The following TRAF3IP3 variants were observed in gnomAD, a reference collection of about 807,000 sequenced individuals.
TRAF3IP3 encodes TRAF3 interacting protein 3, also known as TRAF3-interacting JNK-activating modulator.
Under a neutral mutation model 86.5 loss-of-function variants are expected in TRAF3IP3, and 64 were observed. The observed-to-expected ratio is 0.74, with a 90% CI of 0.60 to 0.91. The LOEUF is 0.91. TRAF3IP3 is among the 40% of genes least tolerant of loss of function. The probability of loss-of-function intolerance (pLI) is 0.00; values close to 1 mark genes in which losing one functional copy is unlikely to be tolerated. For synonymous variants in TRAF3IP3, 220 were observed against 243.9 expected (o/e 0.90, Z 0.91); for missense variants, 579 against 642.9 (o/e 0.90, Z 1.07).
At chr1:209,764,415 AGGAATAGTATTTTAGTTG>A (rs2077301395) in intron 8 of TRAF3IP3, among the ~76,000 whole-genome samples, 1 of 152,230 alleles carries the variant, frequency 6.6e-6, no homozygotes, top group South Asian at 2.1e-4. Context: ...ATATGGAAGA[AGGAATAGTATTTTAGTTG>A]GGGTACAGGC....
At chr1:209,780,039 C>A (rs1239803014) in intron 14 of TRAF3IP3, 2 of 157,462 alleles carry the variant, frequency 1.3e-5, no homozygotes, top group African/African-American at 2.4e-5. Flanking sequence ...AAAAAACCAT[C>A]TTTAACCATA....
intron 8 of TRAF3IP3, among the ~76,000 whole-genome samples, chr1:209,770,511 ATGTG>A (rs1259435390): frequency 1.4e-5 from 1 of 71,326 alleles, no homozygotes; most frequent in Non-Finnish European, 2.8e-5. Context: ...ATGTGAAAGT[ATGTG>A]TGTGCAGGTG....
In TRAF3IP3 at chr1:209,760,045, C is replaced by T. The variant is rs1193688791; in HGVS notation, c.6C>T (p.Ile2=). 1 of 1,606,814 alleles carries T rather than the reference C, an allele frequency of 6.2e-7. No individual in the cohort carries two copies. The highest frequency in any genetic ancestry group is 8.5e-7 in the Non-Finnish European group (1 of 1,174,030). The change falls in exon 3 of 17, where the codon ATC becomes ATT. Residue 2 remains isoleucine, a synonymous_variant. Coordinates refer to ENST00000367025, the MANE Select transcript of TRAF3IP3 (RefSeq NM_025228.4). M[I]SPDPRPSPGL... is the part of the protein sequence containing the mutation. ...ACAGGTGCTTGGAGGTCATCATGAT[C>T]AGCCCAGACCCCAGGCCCTCCCCTG...
Position 209,781,383 on chromosome 1 carries a change from C to T in TRAF3IP3, c.1488C>T (p.Asp496=). Residue 496 remains aspartate, a synonymous_variant, in exon 16 of 17, where the codon GAC becomes GAT. Coordinates refer to ENST00000367025, the MANE Select transcript of TRAF3IP3 (RefSeq NM_025228.4). The part of the protein sequence containing the change: ...ELHSELDNLS[D]EYLSCLRKLQ... ...ATTCAGAATTAGACAACCTCAGTGA[C>T]GAGTATCTCTCCTGCCTGCGTAAGC... 5 of 1,613,456 alleles carry T rather than the reference C, an allele frequency of 3.1e-6. No individual in the cohort carries two copies. The highest frequency in any genetic ancestry group is 4.2e-6 in the Non-Finnish European group (5 of 1,179,570).
chr1:209,781,997 C>A, intron 16 of TRAF3IP3, 59 bp from the exon 17 acceptor site: 1 of 1,398,244 alleles, frequency 7.2e-7, no homozygotes, highest in Non-Finnish European at 1.0e-6. Flanking sequence ...AAGATTTTTG[C>A]CTATATCTTT....
intron 3 of TRAF3IP3, among the ~76,000 whole-genome samples, chr1:209,761,878 A>AG (rs11400539): frequency 0.02 from 1,400 of 71,440 alleles, no homozygotes; most frequent in African/African-American, 0.19. Context: ...GTAGAGAGAG[A>AG]AAAAAAAACA....
rs1202795665 is a variant in TRAF3IP3 at position 209,779,466 on chromosome 1, C to T, written c.1312+92C>T. On this transcript the variant is annotated intron_variant, in intron 14 of 16. Coordinates refer to ENST00000367025, the MANE Select transcript of TRAF3IP3 (RefSeq NM_025228.4). ...ATGGACTACATGACCTCCTGGAGTCCCAGCCAGTTCTGGGAGTCTGTTAAG... is the reference window on the plus strand; with the variant it reads ...ATGGACTACATGACCTCCTGGAGTCTCAGCCAGTTCTGGGAGTCTGTTAAG... 3.6e-6 allele frequency: 4 copies of T among 1,101,294 alleles called. No individual in the cohort carries two copies. The Admixed American group carries it at 7.2e-5, about 20-fold the overall frequency. 68.2% of individuals were successfully genotyped at this position (1,101,294 alleles called of 1,614,324 possible).
At chr1:209,768,711 TC>T in intron 8 of TRAF3IP3, 1 of 985,368 alleles carries the variant, frequency 1.0e-6, no homozygotes, top group South Asian at 4.7e-5. Flanking sequence ...TTATATGCCC[TC>T]TGAGCCCTCG....
chr1:209,773,802 C>G (rs562769396), intron 9 of TRAF3IP3, among the ~76,000 whole-genome samples: 2 of 152,294 alleles, frequency 1.3e-5, no homozygotes, highest in African/African-American at 4.8e-5. Flanking sequence ...TAATGCCAAC[C>G]AAGTTCACAG....
At chr1:209,766,794 G>A (rs577800689) in intron 8 of TRAF3IP3, among the ~76,000 whole-genome samples, 37 of 152,354 alleles carry the variant, frequency 2.4e-4, no homozygotes, top group African/African-American at 8.9e-4. Flanking sequence ...AACCCAGGAG[G>A]TGGAGGTTGC....
At position 209,762,882 on chromosome 1, in the gene TRAF3IP3, A is replaced by T; in HGVS notation, c.551+12A>T. On this transcript the variant is annotated intron_variant, in intron 5 of 16. Coordinates refer to ENST00000367025, the MANE Select transcript of TRAF3IP3 (RefSeq NM_025228.4). The stretch of plus-strand genomic sequence containing the variant: ...AGTCAGCAAACCAAGTGAGTTCCTG[A>T]CCCTAACCCTCTCACATCCCATCCA... 1 of 1,614,068 alleles carries T rather than the reference A, an allele frequency of 6.2e-7. No homozygotes were observed. Among genetic ancestry groups the T allele is most frequent in the Non-Finnish European group, 8.5e-7 (1 of 1,179,980 alleles).
intron 12 of TRAF3IP3, 29 bp downstream of exon 12, chr1:209,777,516 C>T: frequency 6.4e-7 from 1 of 1,551,048 alleles, no homozygotes. Flanking sequence ...GCCTTGAGTG[C>T]ATGGCAGCCA....
intron 8 of TRAF3IP3, among the ~76,000 whole-genome samples, chr1:209,766,662 A>G (rs1377108801): frequency 6.6e-6 from 1 of 152,188 alleles, no homozygotes; most frequent in African/African-American, 2.4e-5. Context: ...CCAGGAGTTC[A>G]AGACCAGCCT....
At chr1:209,765,852 T>C (rs1464785679) in intron 8 of TRAF3IP3, among the ~76,000 whole-genome samples, 2 of 152,218 alleles carry the variant, frequency 1.3e-5, no homozygotes, top group African/African-American at 4.8e-5. Context: ...CACACAAATA[T>C]GTCATTAGAA....
chr1:209,781,772 A>C, intron 16 of TRAF3IP3: 2 of 497,406 alleles, frequency 4.0e-6, no homozygotes, highest in South Asian at 2.5e-5. Context: ...TGGGGAATAC[A>C]AAGAAAGAAT....
At chr1:209,760,461 C>T in intron 3 of TRAF3IP3, 77 bp downstream of exon 3, 1 of 1,273,868 alleles carries the variant, frequency 7.9e-7, no homozygotes. Context: ...GGCTCAAGGT[C>T]ACTAAAAAGT....
chr1:209,775,872 T>C (rs1387693418), intron 11 of TRAF3IP3, 136 bp downstream of exon 11: 8 of 774,214 alleles, frequency 1.0e-5, no homozygotes, highest in Non-Finnish European at 1.6e-5. Context: ...ACCACTACTT[T>C]GTACCAAATT....
chr1:209,775,156 A>G (rs2077625776), intron 9 of TRAF3IP3, 193 bp from the exon 10 acceptor site: 1 of 607,360 alleles, frequency 1.6e-6, no homozygotes, highest in Non-Finnish European at 2.9e-6. Flanking sequence ...GGCACTGTTT[A>G]TTATGCCCTC....
In TRAF3IP3 at chr1:209,763,403, T is replaced by C; in HGVS notation, c.606+11T>C. On this transcript the variant is annotated intron_variant, in intron 7 of 16. Transcript: ENST00000367025. ...TCTGATTACCTCAAAGTAAGTGGCATGTGACCCCTCCCCTCAGTTCCTCCA... is the reference window on the plus strand; with the variant it reads ...TCTGATTACCTCAAAGTAAGTGGCACGTGACCCCTCCCCTCAGTTCCTCCA... 1 of 1,613,978 alleles carries C rather than the reference T, an allele frequency of 6.2e-7. No homozygotes were observed. Among genetic ancestry groups the C allele is most frequent in the Non-Finnish European group, 8.5e-7 (1 of 1,179,930 alleles).
Sources: gnomAD v4.1 joint callset for allele counts (sites outside exome capture counted in the v4.1 genomes callset) on GRCh38, gnomAD v4.1.1 for gene constraint, MANE v1.5 for transcripts, NCBI Gene and HGNC (gene_info 2026-07-23, HGNC 2026-07-21) for gene names.